The following TNFSF8 variants were observed in gnomAD, a reference collection of about 807,000 sequenced individuals.
The protein encoded by TNFSF8 is tumor necrosis factor ligand superfamily member 8.
A neutral mutation model predicts 22.0 loss-of-function variants in TNFSF8; 4 were observed. The ratio of observed to expected loss-of-function variants is 0.18; its 90% CI spans 0.09 to 0.42. The LOEUF is 0.42. Among genes scored for constraint, TNFSF8 ranks in the 10% least tolerant of loss-of-function variants. The probability of loss-of-function intolerance (pLI) is 1.00; values close to 1 mark genes in which losing one functional copy is unlikely to be tolerated. For missense variants in TNFSF8, 233 were observed against 281.8 expected (o/e 0.83, Z 1.24); for synonymous variants, 106 against 112.5 (o/e 0.94, Z 0.37).
chr9:114,919,364 G>C (rs1444658602), intron 1 of TNFSF8, among the ~76,000 whole-genome samples: 1 of 152,062 alleles, frequency 6.6e-6, no homozygotes, highest in Non-Finnish European at 1.5e-5. Context: ...TTTTGAAGGA[G>C]GGAATCCTGG....
intron 1 of TNFSF8, among the ~76,000 whole-genome samples, chr9:114,922,102 TA>T (rs1827996193): frequency 6.6e-6 from 1 of 152,220 alleles, no homozygotes; most frequent in African/African-American, 2.4e-5. Context: ...TAAGATATTA[TA>T]AAGTGTTAGC....
chr9:114,902,402 TA>T lies in TNFSF8; in HGVS notation c.*1528del, dbSNP rs1827728886. On this transcript the variant is annotated 3_prime_UTR_variant, in exon 4 of 4. Coordinates refer to ENST00000223795, the MANE Select transcript of TNFSF8 (RefSeq NM_001244.4). ...TCACTGTTGCACACTGATTGTTTGC[TA>T]AAGGCACAATGCTTTCCTGACCAGA... 1 of 985,352 alleles carries T rather than the reference TA, an allele frequency of 1.0e-6. No individual in the cohort carries two copies. The highest frequency in any genetic ancestry group is 6.1e-5 in the Admixed American group (1 of 16,270). The allele number at this position is 985,352 out of a possible 1,614,324, so 61.0% of individuals were successfully genotyped here. A position where few individuals can be genotyped will look rare whatever the true frequency, so the allele number is the denominator to read the frequency against.
chr9:114,894,124 C>T (rs1358380733), exon 5 of TNFSF8: 1 of 1,535,204 alleles, frequency 6.5e-7, no homozygotes, highest in Admixed American at 2.0e-5. Flanking sequence ...TCCCAGAGTC[C>T]AGGGTAGAGT....
chr9:114,930,093 AGAG>A lies in TNFSF8; in HGVS notation c.195+13_195+15del. ...AACAACAAGAAAAGGAAAGGGAGGA[AGAG>A]GAGTCCACTTACCGTCCTCTGAACG... is the stretch of plus-strand genomic sequence containing the variant. On this transcript the variant is annotated intron_variant, in intron 1 of 3. Coordinates refer to ENST00000223795, the MANE Select transcript of TNFSF8 (RefSeq NM_001244.4). 3 of 1,443,884 alleles carry A rather than the reference AGAG, an allele frequency of 2.1e-6. No individual in the cohort carries two copies. The highest frequency in any genetic ancestry group is 2.8e-6 in the Non-Finnish European group (3 of 1,088,914). The allele number at this position is 1,443,884 out of a possible 1,614,324, so 89.4% of individuals were successfully genotyped here.
At chr9:114,924,740 A>G (rs576077892) in intron 1 of TNFSF8, among the ~76,000 whole-genome samples, 1 of 152,238 alleles carries the variant, frequency 6.6e-6, no homozygotes, top group South Asian at 2.1e-4. Flanking sequence ...CTTCATCCCA[A>G]GCAGAAATGA....
intron 3 of TNFSF8, among the ~76,000 whole-genome samples, chr9:114,904,712 T>C (rs1459919029): frequency 6.6e-6 from 1 of 152,208 alleles, no homozygotes; most frequent in Non-Finnish European, 1.5e-5. Context: ...TATGTTCATT[T>C]ATCATGAATG....
At chr9:114,899,370 C>G (rs1278927728), downstream of TNFSF8, among the ~76,000 whole-genome samples, 2 of 140,754 alleles carry the variant, frequency 1.4e-5, no homozygotes, top group East Asian at 4.0e-4. Context: ...TCTTAGTCCT[C>G]GTTGGCAACA....
At chr9:114,897,540 G>A (rs778877948), downstream of TNFSF8, among the ~76,000 whole-genome samples, 1 of 152,180 alleles carries the variant, frequency 6.6e-6, no homozygotes, top group African/African-American at 2.4e-5. Flanking sequence ...AGCATGGAAG[G>A]TGACAGCAAG....
chr9:114,914,112 T>C (rs1038247671), intron 2 of TNFSF8, among the ~76,000 whole-genome samples: 3 of 151,896 alleles, frequency 2.0e-5, no homozygotes, highest in Admixed American at 2.0e-4. Context: ...AAGTGGAAAG[T>C]GGAGGGGAAA....
chr9:114,928,990 A>C (rs1006026), intron 1 of TNFSF8, among the ~76,000 whole-genome samples: 1 of 152,080 alleles, frequency 6.6e-6, no homozygotes. Context: ...AAAAGTAGGC[A>C]CTATGAAGTA....
At chr9:114,918,717 C>T (rs1827950168) in intron 1 of TNFSF8, among the ~76,000 whole-genome samples, 2 of 152,240 alleles carry the variant, frequency 1.3e-5, no homozygotes, top group South Asian at 2.1e-4. Context: ...TCTCCTGCCT[C>T]AGTCTCCAGA....
downstream of TNFSF8, among the ~76,000 whole-genome samples, chr9:114,897,193 C>T (rs910371604): frequency 2.6e-5 from 4 of 152,134 alleles, no homozygotes; most frequent in African/African-American, 9.7e-5. Context: ...AAGCCACTGT[C>T]CCCGGCCTGA....
intron 1 of TNFSF8, among the ~76,000 whole-genome samples, chr9:114,920,091 GTTT>G: frequency 6.6e-6 from 1 of 152,204 alleles, no homozygotes; most frequent in Admixed American, 6.5e-5. Context: ...TATGCATGCA[GTTT>G]GCAGGAAAAC....
intron 2 of TNFSF8, among the ~76,000 whole-genome samples, chr9:114,917,114 C>G (rs563575300): frequency 1.6e-4 from 25 of 152,300 alleles, no homozygotes; most frequent in Middle Eastern, 3.4e-3. Context: ...AAGGACACTC[C>G]AAGTGTGATG....
At chr9:114,906,574 A>G (rs982631400) in intron 2 of TNFSF8, among the ~76,000 whole-genome samples, 10 of 152,270 alleles carry the variant, frequency 6.6e-5, no homozygotes, top group African/African-American at 2.2e-4. Context: ...GTTCTAGGCT[A>G]TTTTGCTAGA....
chr9:114,927,349 T>C (rs1828076465), intron 1 of TNFSF8, among the ~76,000 whole-genome samples: 1 of 152,078 alleles, frequency 6.6e-6, no homozygotes. Context: ...CTCCTTTGTC[T>C]CTCCCAAGGA....
chr9:114,926,528 A>G (rs1307626043), intron 1 of TNFSF8, among the ~76,000 whole-genome samples: 1 of 152,244 alleles, frequency 6.6e-6, no homozygotes, highest in Non-Finnish European at 1.5e-5. Flanking sequence ...AATTCTAGAG[A>G]AAACATTGAT....
chr9:114,905,132 T>C (rs1421639029), intron 3 of TNFSF8, among the ~76,000 whole-genome samples: 3 of 152,200 alleles, frequency 2.0e-5, no homozygotes, highest in Admixed American at 1.3e-4. Context: ...GAAGCTGGCA[T>C]GCTAGTTTTA....
In TNFSF8 at chr9:114,918,048, T is replaced by G. The variant is rs115403930; in HGVS notation, c.238+48A>C. 3.2e-4 allele frequency: 501 copies of G among 1,549,818 alleles called. 1 individual carries two copies. The African/African-American group carries it at 6.2e-3, about 19-fold the overall frequency. On this transcript the variant is annotated intron_variant, in intron 2 of 3. Transcript: ENST00000223795. ...AATCAGGTTTCACACTTTATGGCAT[T>G]TATCTAGATGACTTACTACACATTT...
Sources: allele counts gnomAD v4.1 joint callset (sites outside exome capture counted in the v4.1 genomes callset), GRCh38; gene constraint gnomAD v4.1.1; transcripts MANE v1.5; gene names NCBI Gene and HGNC (gene_info 2026-07-23, HGNC 2026-07-21).